FILIP1: variants seen among roughly 807,000 people sequenced by gnomAD.
FILIP1 encodes the protein filamin A interacting protein 1.
In FILIP1, 61 loss-of-function variants were observed where a neutral mutation model predicts 102.1. The ratio of observed to expected loss-of-function variants is 0.60; its 90% CI spans 0.49 to 0.74. The LOEUF (loss-of-function observed/expected upper bound fraction) is 0.74. Ranked by LOEUF, FILIP1 falls within the 30% of genes least tolerant of loss-of-function variation. FILIP1 has a pLI of 0.00. For synonymous variants in FILIP1, 491 were observed against 526.9 expected, an observed-to-expected ratio of 0.93 and a Z score of 0.93; for missense variants, 1,314 against 1,441.2, an observed-to-expected ratio of 0.91 and a Z score of 1.43.
chr6:75,489,269 G>A (rs1779887232), intron 1 of FILIP1, among the ~76,000 whole-genome samples: 2 of 152,030 alleles, frequency 1.3e-5, no homozygotes, highest in African/African-American at 2.4e-5. Flanking sequence ...TGAGTGATAA[G>A]GGAGAGTTTG....
chr6:75,408,414 C>T (rs1776944995), intron 2 of FILIP1, among the ~76,000 whole-genome samples: 1 of 152,326 alleles, frequency 6.6e-6, no homozygotes, highest in South Asian at 2.1e-4. Flanking sequence ...TAAAGGTGCA[C>T]TTCAGGAGTT....
At chr6:75,322,499 A>AT (rs1479404803) in intron 4 of FILIP1, among the ~76,000 whole-genome samples, 1 of 152,206 alleles carries the variant, frequency 6.6e-6, no homozygotes, top group Non-Finnish European at 1.5e-5. Flanking sequence ...CCTGATTCCC[A>AT]TCAGCAGTCA....
At chr6:75,323,096 T>C (rs1398842362) in intron 4 of FILIP1, among the ~76,000 whole-genome samples, 2 of 152,220 alleles carry the variant, frequency 1.3e-5, no homozygotes, top group African/African-American at 4.8e-5. Context: ...CAGAAGTTTT[T>C]CCTTTTTTAT....
rs553483141 is a variant in FILIP1, at chr6:75,435,749, G to A, written c.-6-20771C>T. 1.1e-4 allele frequency among the ~76,000 whole-genome samples: 16 copies of A among 152,178 alleles called. 1 individual carries two copies. The highest frequency in any genetic ancestry group is 2.9e-4 in the African/African-American group (12 of 41,520). ...TGATTTCTGCTGAGTGACTTTTCCCGTCATCATTGATACTACTGAGGTGTT... is the reference window on the plus strand; with the variant it reads ...TGATTTCTGCTGAGTGACTTTTCCCATCATCATTGATACTACTGAGGTGTT... On this transcript the variant is annotated intron_variant, in intron 1 of 5. Transcript: ENST00000237172.
At chr6:75,469,193 T>G (rs985002286) in intron 1 of FILIP1, among the ~76,000 whole-genome samples, 1 of 151,978 alleles carries the variant, frequency 6.6e-6, no homozygotes, top group African/African-American at 2.4e-5. Context: ...ATTAGGTCAA[T>G]ATGGAAGGGA....
intron 1 of FILIP1, among the ~76,000 whole-genome samples, chr6:75,442,724 G>A (rs549797960): frequency 1.3e-5 from 2 of 152,270 alleles, no homozygotes; most frequent in Admixed American, 6.5e-5. Context: ...GCCTTGGCTC[G>A]GCATCAGAGG....
chr6:75,376,518 C>T (rs981496689), intron 2 of FILIP1, among the ~76,000 whole-genome samples: 1 of 152,118 alleles, frequency 6.6e-6, no homozygotes, highest in African/African-American at 2.4e-5. Flanking sequence ...AATTTCAGCT[C>T]CCCAACCTGC....
chr6:75,469,986 C>T lies in FILIP1; in HGVS notation c.-7+23428G>A, dbSNP rs78571830. 8.9e-3 allele frequency among the ~76,000 whole-genome samples: 1,352 copies of T among 152,118 alleles called. 49 individuals are homozygous for T. The East Asian group carries it at 0.12, about 14-fold the overall frequency. On this transcript the variant is annotated intron_variant, in intron 1 of 5. Transcript: ENST00000237172. ...TACAGCAAACATGATATTTATTAGA[C>T]ATATTGTCTGTAAGGTCAAAAACAG... is the stretch of plus-strand genomic sequence containing the variant.
At chr6:75,439,779 A>T (rs191676401) in intron 1 of FILIP1, among the ~76,000 whole-genome samples, 10 of 152,348 alleles carry the variant, frequency 6.6e-5, no homozygotes, top group Admixed American at 4.6e-4. Flanking sequence ...AAGACCACAA[A>T]CTTAAACTAG....
In FILIP1 at chr6:75,297,161, A is replaced by G. The variant is rs16886430; in HGVS notation, c.3494-1211T>C. Among the ~76,000 whole-genome samples the G allele has an allele frequency of 9.6e-3, 1,456 of 152,252 alleles. 25 individuals carry two copies. The highest frequency in any genetic ancestry group is 0.027 in the Middle Eastern group (8 of 294). ...GAGTGCAGAAACTTAGGGTTTATCAATAACATGAAGAAATTTCTACCTATT... is the reference window on the plus strand; with the variant it reads ...GAGTGCAGAAACTTAGGGTTTATCAGTAACATGAAGAAATTTCTACCTATT... On this transcript the variant is annotated intron_variant, in intron 6 of 6. Transcript: ENST00000393004.
intron 1 of FILIP1, among the ~76,000 whole-genome samples, chr6:75,452,494 A>C (rs1582529194): frequency 6.6e-6 from 1 of 152,098 alleles, no homozygotes; most frequent in African/African-American, 2.4e-5. Flanking sequence ...ACATTTTCTT[A>C]ATCCAGTCTA....
At chr6:75,338,341 CA>C (rs1300912349) in intron 4 of FILIP1, among the ~76,000 whole-genome samples, 3 of 152,156 alleles carry the variant, frequency 2.0e-5, no homozygotes, top group African/African-American at 7.2e-5. Flanking sequence ...ATGAAAGACC[CA>C]AACTTTGATT....
At chr6:75,357,550 C>T (rs542873971) in intron 3 of FILIP1, among the ~76,000 whole-genome samples, 1 of 152,328 alleles carries the variant, frequency 6.6e-6, no homozygotes, top group East Asian at 1.9e-4. Flanking sequence ...ATCTGGAAAG[C>T]AGTGTTTTCA....
intron 2 of FILIP1, among the ~76,000 whole-genome samples, chr6:75,405,367 T>C (rs1393448078): frequency 6.6e-6 from 1 of 151,964 alleles, no homozygotes; most frequent in Non-Finnish European, 1.5e-5. Context: ...GGGGGAAAAT[T>C]AGCTTCTCTG....
chr6:75,423,189 G>A (rs2998383), intron 1 of FILIP1, among the ~76,000 whole-genome samples: 65,542 of 151,990 alleles, frequency 0.43, 14,552 homozygotes, highest in Non-Finnish European at 0.47. Flanking sequence ...ACCATTCTAC[G>A]TTGTACAGCA....
At chr6:75,441,619 C>A (rs1305708541) in intron 1 of FILIP1, among the ~76,000 whole-genome samples, 1 of 147,728 alleles carries the variant, frequency 6.8e-6, no homozygotes, top group South Asian at 2.1e-4. Context: ...GCTGACCCCC[C>A]CGACCTCCCT....
chr6:75,470,270 G>T (rs2149762748), intron 1 of FILIP1, among the ~76,000 whole-genome samples: 1 of 152,204 alleles, frequency 6.6e-6, no homozygotes, highest in Non-Finnish European at 1.5e-5. Context: ...GCCATTGATT[G>T]TTTTTAAAAT....
At chr6:75,348,084 C>CACACACACACAA (rs1156310668) in intron 4 of FILIP1, among the ~76,000 whole-genome samples, 2 of 151,514 alleles carry the variant, frequency 1.3e-5, no homozygotes, top group Non-Finnish European at 2.9e-5. Context: ...CACACACACA[C>CACACACACACAA]ACATACACAC....
At chr6:75,347,058 A>C (rs1275412319) in intron 4 of FILIP1, among the ~76,000 whole-genome samples, 3 of 152,218 alleles carry the variant, frequency 2.0e-5, no homozygotes, top group Non-Finnish European at 4.4e-5. Context: ...ATAGGTATGC[A>C]GTTCAAGCCA....
Sources: gnomAD v4.1 joint callset for allele counts (sites outside exome capture counted in the v4.1 genomes callset) on GRCh38, gnomAD v4.1.1 for gene constraint, MANE v1.5 for transcripts, NCBI Gene and HGNC (gene_info 2026-07-23, HGNC 2026-07-21) for gene names.